The following DSCAM variants were observed in gnomAD, a reference collection of about 807,000 sequenced individuals.
DSCAM encodes cell adhesion molecule DSCAM.
DSCAM carries 47 observed loss-of-function variants against 217.7 expected under a neutral mutation model. That is an observed-to-expected ratio of 0.22 (90% CI 0.17 to 0.28). DSCAM has a LOEUF of 0.28. DSCAM is among the 10% of genes least tolerant of loss of function. DSCAM has a pLI of 1.00. For missense variants in DSCAM, 2,080 were observed against 2,618.3 expected, an observed-to-expected ratio of 0.79 and a Z score of 4.49; for synonymous variants, 1,056 against 1,015.3, an observed-to-expected ratio of 1.04 and a Z score of -0.76.
At chr21:40,514,449 C>T (rs2076284185) in intron 3 of DSCAM, among the ~76,000 whole-genome samples, 1 of 152,184 alleles carries the variant, frequency 6.6e-6, no homozygotes, top group Non-Finnish European at 1.5e-5. Context: ...CAACTTAGCA[C>T]ATCAGAAAGT....
chr21:40,336,476 T>C (rs1042881631), intron 8 of DSCAM, among the ~76,000 whole-genome samples: 1 of 152,232 alleles, frequency 6.6e-6, no homozygotes, highest in Non-Finnish European at 1.5e-5. Context: ...ATTTTGATAT[T>C]GTATAACAAA....
intron 1 of DSCAM, among the ~76,000 whole-genome samples, chr21:40,729,753 A>G (rs1174569135): frequency 6.6e-6 from 1 of 152,228 alleles, no homozygotes; most frequent in Non-Finnish European, 1.5e-5. Context: ...AAACCAAACC[A>G]GAAAACATGA....
chr21:40,819,379 A>AGG (rs2091908701), intron 1 of DSCAM, among the ~76,000 whole-genome samples: 3 of 152,226 alleles, frequency 2.0e-5, no homozygotes, highest in Non-Finnish European at 4.4e-5. Flanking sequence ...CAGTGGGGGC[A>AGG]GTCTATGTCG....
At chr21:40,809,738 T>C (rs1364663729) in intron 1 of DSCAM, among the ~76,000 whole-genome samples, 2 of 152,268 alleles carry the variant, frequency 1.3e-5, no homozygotes, top group East Asian at 1.9e-4. Flanking sequence ...CATTTAACAA[T>C]TATTTGCTGA....
At chr21:40,328,355 C>A (rs1237307845) in intron 8 of DSCAM, among the ~76,000 whole-genome samples, 1 of 151,954 alleles carries the variant, frequency 6.6e-6, no homozygotes, top group Non-Finnish European at 1.5e-5. Flanking sequence ...AACAAAGGAG[C>A]CAAGAGCACA....
intron 16 of DSCAM, among the ~76,000 whole-genome samples, chr21:40,148,232 T>C (rs1001312722): frequency 6.6e-6 from 1 of 152,188 alleles, no homozygotes; most frequent in Admixed American, 6.5e-5. Flanking sequence ...ATAGTTTTCA[T>C]GCAGAATAAA....
At chr21:40,842,685 C>A (rs532664073) in intron 1 of DSCAM, among the ~76,000 whole-genome samples, 48 of 152,244 alleles carry the variant, frequency 3.2e-4, no homozygotes, top group Non-Finnish European at 6.5e-4. Flanking sequence ...AAATACCTTG[C>A]CAGCTACCCG....
chr21:40,093,884 G>C lies in DSCAM; in HGVS notation c.3697-10C>G, dbSNP rs767356652. ...CAAACTCGCTGATCACCTGTAAAAAGAGACATAAGTGTTCCCACATTCAAA... is the reference window on the plus strand; with the variant it reads ...CAAACTCGCTGATCACCTGTAAAAACAGACATAAGTGTTCCCACATTCAAA... On this transcript the variant is annotated splice_polypyrimidine_tract_variant and intron_variant, in intron 20 of 32. Coordinates refer to ENST00000400454, the MANE Select transcript of DSCAM (RefSeq NM_001389.5). 4 of 1,611,478 alleles carry C rather than the reference G, an allele frequency of 2.5e-6. No homozygotes were observed. The Admixed American group carries it at 5.0e-5, about 20-fold the overall frequency.
At chr21:40,015,202 T>G (rs749572211) in intron 32 of DSCAM, among the ~76,000 whole-genome samples, 20 of 152,174 alleles carry the variant, frequency 1.3e-4, no homozygotes, top group Non-Finnish European at 2.8e-4. Flanking sequence ...GCTAGGCATT[T>G]CCACACGAGT....
At chr21:40,308,254 A>AACTTACTAG (rs2074101498) in intron 9 of DSCAM, among the ~76,000 whole-genome samples, 1 of 152,142 alleles carries the variant, frequency 6.6e-6, no homozygotes. Flanking sequence ...GCACACAATT[A>AACTTACTAG]ACTTACTAGT....
At chr21:40,365,463 G>T (rs1272947429) in intron 4 of DSCAM, among the ~76,000 whole-genome samples, 1 of 152,120 alleles carries the variant, frequency 6.6e-6, no homozygotes, top group Admixed American at 6.5e-5. Flanking sequence ...GAATTAGACT[G>T]ACTTTCTTTC....
intron 18 of DSCAM, among the ~76,000 whole-genome samples, chr21:40,140,814 T>A (rs570913892): frequency 6.6e-6 from 1 of 152,222 alleles, no homozygotes; most frequent in East Asian, 1.9e-4. Flanking sequence ...TTCATTAGCA[T>A]CTCCCTCGGT....
intron 3 of DSCAM, among the ~76,000 whole-genome samples, chr21:40,667,711 C>T (rs113181313): frequency 0.014 from 2,157 of 152,162 alleles, 34 homozygotes; most frequent in South Asian, 0.051. Flanking sequence ...GGCTTTTCCC[C>T]GCTTTTGCTT....
chr21:40,721,309 T>A (rs2090898873), intron 1 of DSCAM, among the ~76,000 whole-genome samples: 1 of 152,162 alleles, frequency 6.6e-6, no homozygotes. Flanking sequence ...TATGGCATAT[T>A]ATTAGGAGTA....
intron 3 of DSCAM, among the ~76,000 whole-genome samples, chr21:40,464,831 C>T (rs1463902872): frequency 2.0e-5 from 3 of 151,648 alleles, no homozygotes; most frequent in African/African-American, 2.4e-5. Flanking sequence ...ACCTCTGCCT[C>T]CCAGATCCAT....
intron 1 of DSCAM, among the ~76,000 whole-genome samples, chr21:40,821,320 C>T (rs1050453000): frequency 6.6e-6 from 1 of 151,950 alleles, no homozygotes; most frequent in African/African-American, 2.4e-5. Context: ...CTGGATTTTG[C>T]TCTTCAGCCT....
intron 20 of DSCAM, among the ~76,000 whole-genome samples, chr21:40,116,472 C>T (rs1324723008): frequency 6.6e-6 from 1 of 152,062 alleles, no homozygotes; most frequent in African/African-American, 2.4e-5. Context: ...CTCAAAGAAA[C>T]CCTTCGAGGT....
intron 3 of DSCAM, among the ~76,000 whole-genome samples, chr21:40,644,336 G>A (rs1175544096): frequency 6.6e-6 from 1 of 152,186 alleles, no homozygotes; most frequent in African/African-American, 2.4e-5. Flanking sequence ...ACCCTCATCA[G>A]AGTGAGTGAA....
At chr21:40,620,312 G>GAAAGAGAGAGAAAAAAGAAAA (rs2089486312) in intron 3 of DSCAM, among the ~76,000 whole-genome samples, 2 of 136,594 alleles carry the variant, frequency 1.5e-5, no homozygotes, top group East Asian at 2.2e-4. Flanking sequence ...GAAAGAGAGA[G>GAAAGAGAGAGAAAAAAGAAAA]AGAAAGAGAG....
Sources: gnomAD v4.1 joint callset for allele counts (sites outside exome capture counted in the v4.1 genomes callset) on GRCh38, gnomAD v4.1.1 for gene constraint, MANE v1.5 for transcripts, NCBI Gene and HGNC (gene_info 2026-07-23, HGNC 2026-07-21) for gene names.